The following JAZF1 variants were observed in gnomAD, a reference collection of about 807,000 sequenced individuals.
JAZF1 encodes JAZF zinc finger 1.
A neutral mutation model predicts 26.4 loss-of-function variants in JAZF1; 8 were observed. That is an observed-to-expected ratio of 0.30 (90% CI 0.18 to 0.55). The LOEUF is 0.55. Ranked by LOEUF, JAZF1 falls within the 20% of genes least tolerant of loss-of-function variation. The pLI is 0.94. For synonymous variants in JAZF1, 126 were observed against 122.3 expected (o/e 1.03, Z -0.20); for missense variants, 199 against 322.0 (o/e 0.62, Z 2.92).
At chr7:28,073,973 C>T (rs1784015070) in intron 1 of JAZF1, among the ~76,000 whole-genome samples, 1 of 131,298 alleles carries the variant, frequency 7.6e-6, no homozygotes, top group Non-Finnish European at 1.7e-5. Context: ...AAAAAGTTTA[C>T]TTAGTTAAAA....
intron 2 of JAZF1, among the ~76,000 whole-genome samples, chr7:27,934,541 T>C (rs1395309666): frequency 1.3e-5 from 2 of 152,318 alleles, no homozygotes; most frequent in Non-Finnish European, 1.5e-5. Flanking sequence ...ATTGTTATGA[T>C]AAATGCAGTT....
At position 27,861,070 on chromosome 7, in the gene JAZF1, G is replaced by A. The variant is rs115735515; in HGVS notation, c.386-20203C>T. On this transcript the variant is annotated intron_variant, in intron 3 of 4. Transcript: ENST00000283928. ...CTCTTTCTTCGTTCACCCCTTGCTT[G>A]GGTCATGGGAGGTAAAATCTGGAGT... Among the ~76,000 whole-genome samples the A allele has an allele frequency of 7.8e-3, 1,193 of 152,258 alleles. 19 individuals are homozygous for A. The highest frequency in any genetic ancestry group is 0.027 in the African/African-American group (1,131 of 41,526).
chr7:27,887,237 C>T (rs1300470486), intron 3 of JAZF1, among the ~76,000 whole-genome samples: 1 of 150,944 alleles, frequency 6.6e-6, no homozygotes, highest in East Asian at 1.9e-4. Flanking sequence ...CACAAGTTTA[C>T]CTATATAAGA....
intron 2 of JAZF1, among the ~76,000 whole-genome samples, chr7:27,915,599 T>G (rs1021568445): frequency 2.0e-5 from 3 of 152,204 alleles, no homozygotes; most frequent in African/African-American, 7.2e-5. Flanking sequence ...CTGAATAAGG[T>G]GAAGTGCAAA....
At chr7:27,899,172 A>G (rs1481889470) in intron 2 of JAZF1, among the ~76,000 whole-genome samples, 1 of 152,272 alleles carries the variant, frequency 6.6e-6, no homozygotes, top group African/African-American at 2.4e-5. Context: ...GTCTGTCAAA[A>G]GGTGGGCAGA....
At chr7:27,966,641 AG>A (rs1247780366) in intron 2 of JAZF1, among the ~76,000 whole-genome samples, 3 of 152,238 alleles carry the variant, frequency 2.0e-5, no homozygotes, top group African/African-American at 7.2e-5. Context: ...AAGCAGAAGC[AG>A]GGTAAGTTTG....
At chr7:27,899,974 A>G (rs1291863279) in intron 2 of JAZF1, among the ~76,000 whole-genome samples, 1 of 152,182 alleles carries the variant, frequency 6.6e-6, no homozygotes, top group Non-Finnish European at 1.5e-5. Flanking sequence ...GGCGGTTTAC[A>G]TGGGGGCAGT....
chr7:28,049,088 T>C (rs1322947737), intron 1 of JAZF1, among the ~76,000 whole-genome samples: 1 of 127,154 alleles, frequency 7.9e-6, no homozygotes, highest in African/African-American at 3.0e-5. Flanking sequence ...TCTCTCTCTC[T>C]CTCTTTCTTT....
At chr7:27,989,214 G>T (rs1785840718) in intron 2 of JAZF1, among the ~76,000 whole-genome samples, 1 of 152,190 alleles carries the variant, frequency 6.6e-6, no homozygotes, top group Non-Finnish European at 1.5e-5. Context: ...AATAAATGGT[G>T]CTGGGAAAAC....
chr7:27,884,578 C>A (rs1037605323), intron 3 of JAZF1, among the ~76,000 whole-genome samples: 1 of 152,240 alleles, frequency 6.6e-6, no homozygotes, highest in African/African-American at 2.4e-5. Flanking sequence ...ATTTCTGTCA[C>A]TGCAGGTTGG....
chr7:28,143,941 A>T (rs1028685900), intron 1 of JAZF1, among the ~76,000 whole-genome samples: 2 of 152,298 alleles, frequency 1.3e-5, no homozygotes, highest in Middle Eastern at 6.8e-3. Flanking sequence ...TCACCACCTA[A>T]AACAGTACCT....
rs145076425 is a variant in JAZF1, at chr7:28,031,536, C to T, written c.116-39555G>A. On this transcript the variant is annotated intron_variant, in intron 1 of 4. Coordinates refer to ENST00000283928, the MANE Select transcript of JAZF1 (RefSeq NM_175061.4). ...GAGACCTTATGCTGGTTACTAGCAC[C>T]GTCCTGCAGAGCGTACCATTTGTAC... is the stretch of plus-strand genomic sequence containing the variant. Among the ~76,000 whole-genome samples the T allele has an allele frequency of 2.3e-3, 352 of 152,268 alleles. 2 individuals are homozygous for T. The highest frequency in any genetic ancestry group is 3.8e-3 in the Non-Finnish European group (258 of 68,014).
intron 1 of JAZF1, among the ~76,000 whole-genome samples, chr7:28,151,100 T>C (rs1783105272): frequency 1.1e-5 from 1 of 89,622 alleles, no homozygotes; most frequent in African/African-American, 4.8e-5. Context: ...TTTCGATATA[T>C]ATATATATAT....
At position 27,932,345 on chromosome 7, in the gene JAZF1, T is replaced by C. The variant is rs137922796; in HGVS notation, c.189-36929A>G. Among the ~76,000 whole-genome samples the C allele has an allele frequency of 6.2e-4, 95 of 152,306 alleles. 1 individual carries two copies. In the East Asian group the frequency reaches 0.013, roughly 20 times the overall value. ...TTGAAGTAGCATAATCTTGGCTCTA[T>C]AGCCTGTCACAGTTGAGAAAAATAT... On this transcript the variant is annotated intron_variant, in intron 2 of 4. Transcript: ENST00000283928.
At chr7:28,071,758 C>T (rs894057603) in intron 1 of JAZF1, 69 of 404,400 alleles carry the variant, frequency 1.7e-4, no homozygotes, top group African/African-American at 1.3e-3. Flanking sequence ...CATCTGTGAT[C>T]AGAAAAAGTG....
At chr7:28,057,567 A>C (rs936708763) in intron 1 of JAZF1, among the ~76,000 whole-genome samples, 2 of 152,230 alleles carry the variant, frequency 1.3e-5, no homozygotes, top group African/African-American at 4.8e-5. Context: ...TTTTTCAAAC[A>C]TACACGAAAG....
chr7:27,966,306 C>T (rs923053907), intron 2 of JAZF1, among the ~76,000 whole-genome samples: 3 of 152,216 alleles, frequency 2.0e-5, no homozygotes, highest in African/African-American at 7.2e-5. Context: ...AATCCCTACC[C>T]ACTCTTTCTT....
At chr7:28,060,780 A>C (rs1313574809) in intron 1 of JAZF1, among the ~76,000 whole-genome samples, 1 of 152,128 alleles carries the variant, frequency 6.6e-6, no homozygotes, top group African/African-American at 2.4e-5. Context: ...GTGGGCCTAG[A>C]GTTTTCCTTC....
intron 3 of JAZF1, among the ~76,000 whole-genome samples, chr7:27,855,715 T>G (rs1364015203): frequency 6.6e-6 from 1 of 152,118 alleles, no homozygotes; most frequent in African/African-American, 2.4e-5. Context: ...ATTGAGAGAG[T>G]AATTAATAGC....
Sources: allele counts gnomAD v4.1 joint callset (sites outside exome capture counted in the v4.1 genomes callset), GRCh38; gene constraint gnomAD v4.1.1; transcripts MANE v1.5; gene names NCBI Gene and HGNC (gene_info 2026-07-23, HGNC 2026-07-21).